Variants in SPOCK1 observed in about 807,000 individuals in gnomAD.
SPOCK1 encodes the protein testican-1.
In SPOCK1, 23 loss-of-function variants were observed where a neutral mutation model predicts 55.3. That is an observed-to-expected ratio of 0.42 (90% confidence interval 0.30 to 0.59). The LOEUF (loss-of-function observed/expected upper bound fraction) is 0.59, where lower values mean the gene tolerates loss of function less well. SPOCK1 is among the 20% of genes least tolerant of loss of function. The probability of loss-of-function intolerance (pLI) is 0.22; values close to 1 mark genes in which losing one functional copy is unlikely to be tolerated. For synonymous variants in SPOCK1, 226 were observed against 221.0 expected, an observed-to-expected ratio of 1.02 and a Z score of -0.20; for missense variants, 499 against 552.5, an observed-to-expected ratio of 0.90 and a Z score of 0.97.
At chr5:137,486,502 A>G (rs1019774362) in intron 2 of SPOCK1, among the ~76,000 whole-genome samples, 1 of 152,224 alleles carries the variant, frequency 6.6e-6, no homozygotes, top group Non-Finnish European at 1.5e-5. Flanking sequence ...GACAGGAATC[A>G]TGTTTGTTTC....
intron 3 of SPOCK1, among the ~76,000 whole-genome samples, chr5:137,202,087 C>T (rs556314826): frequency 3.5e-4 from 54 of 152,304 alleles, no homozygotes; most frequent in Non-Finnish European, 5.3e-4. Flanking sequence ...ACCATCTGAG[C>T]AGAGCATGGG....
chr5:137,252,838 T>C (rs1206918797), intron 3 of SPOCK1, among the ~76,000 whole-genome samples: 1 of 152,150 alleles, frequency 6.6e-6, no homozygotes, highest in Admixed American at 6.6e-5. Flanking sequence ...AGCATGCCCT[T>C]TGGGGCTGTG....
At chr5:137,431,005 G>A (rs187997678) in intron 2 of SPOCK1, among the ~76,000 whole-genome samples, 405 of 152,232 alleles carry the variant, frequency 2.7e-3, no homozygotes, top group African/African-American at 8.3e-3. Flanking sequence ...AAGCTAGTTT[G>A]GCCCTTATTT....
At chr5:137,135,281 T>C (rs573875913) in intron 4 of SPOCK1, among the ~76,000 whole-genome samples, 1 of 152,180 alleles carries the variant, frequency 6.6e-6, no homozygotes, top group Non-Finnish European at 1.5e-5. Context: ...AAATCAATGT[T>C]CAGCACTCTG....
At chr5:137,037,526 C>T (rs902219367) in intron 6 of SPOCK1, among the ~76,000 whole-genome samples, 1 of 152,046 alleles carries the variant, frequency 6.6e-6, no homozygotes, top group African/African-American at 2.4e-5. Context: ...GTTAAGGTAA[C>T]AGCAGCTGCT....
chr5:137,425,817 G>A (rs948156567), intron 2 of SPOCK1, among the ~76,000 whole-genome samples: 1 of 152,020 alleles, frequency 6.6e-6, no homozygotes, highest in African/African-American at 2.4e-5. Flanking sequence ...CTATATTATA[G>A]AATAGAAAGC....
chr5:137,181,081 C>T lies in SPOCK1; in HGVS notation c.233-40387G>A, dbSNP rs150276251. Among the ~76,000 whole-genome samples the T allele has an allele frequency of 6.5e-4, 99 of 152,230 alleles. 2 individuals are homozygous for T. The highest frequency in any genetic ancestry group is 5.7e-3 in the Admixed American group (87 of 15,282). ...CCAATCTCACAAATGACTCTAACAC[C>T]GGTCCTAAAACACCAAATGGGAAAC... On this transcript the variant is annotated intron_variant, in intron 3 of 10. Coordinates refer to ENST00000394945, the MANE Select transcript of SPOCK1 (RefSeq NM_004598.4).
chr5:136,978,095 T>TTATAGGAAGCCAGATATAA lies in SPOCK1; in HGVS notation c.*540_*558dup. ...GTCTTGACTGAATTAAGGCTGTTGT[T>TTATAGGAAGCCAGATATAA]TATAGGAAGCCAGATATAATGATGT... On this transcript the variant is annotated 3_prime_UTR_variant, in exon 11 of 11. Coordinates refer to ENST00000394945, the MANE Select transcript of SPOCK1 (RefSeq NM_004598.4). The TTATAGGAAGCCAGATATAA allele has an allele frequency of 2.5e-6, 1 of 397,262 alleles. No individual in the cohort carries two copies. Among genetic ancestry groups the TTATAGGAAGCCAGATATAA allele is most frequent in the Non-Finnish European group, 4.4e-6 (1 of 225,460 alleles). 24.6% of individuals were successfully genotyped at this position (397,262 alleles called of 1,614,324 possible). A position where few individuals can be genotyped will look rare whatever the true frequency, so the allele number is the denominator to read the frequency against.
At chr5:137,272,334 C>T (rs1756979656) in intron 2 of SPOCK1, among the ~76,000 whole-genome samples, 1 of 152,142 alleles carries the variant, frequency 6.6e-6, no homozygotes, top group Non-Finnish European at 1.5e-5. Context: ...ATAGAAGTCA[C>T]CAGAAAAGTG....
intron 6 of SPOCK1, among the ~76,000 whole-genome samples, chr5:137,033,098 C>T (rs983726311): frequency 1.3e-5 from 2 of 152,190 alleles, no homozygotes; most frequent in Non-Finnish European, 2.9e-5. Context: ...GTGAGCTCAG[C>T]TCGGCTATGA....
intron 3 of SPOCK1, among the ~76,000 whole-genome samples, chr5:137,178,981 AT>A (rs1408949545): frequency 1.3e-5 from 2 of 152,198 alleles, no homozygotes; most frequent in Non-Finnish European, 2.9e-5. Context: ...TTGGATAACA[AT>A]GGTGTGTTGG....
At chr5:137,183,009 T>C (rs1225245006) in intron 3 of SPOCK1, among the ~76,000 whole-genome samples, 2 of 152,144 alleles carry the variant, frequency 1.3e-5, no homozygotes, top group South Asian at 4.2e-4. Context: ...GTGTTCTCTA[T>C]CTGAATGGCA....
chr5:137,056,665 C>T (rs13156907), intron 6 of SPOCK1, among the ~76,000 whole-genome samples: 29,457 of 151,568 alleles, frequency 0.19, 3,212 homozygotes, highest in Admixed American at 0.24. Context: ...GCTATGATCA[C>T]ATCTGTTTTT....
chr5:137,491,177 A>G (rs1458399572), intron 2 of SPOCK1, among the ~76,000 whole-genome samples: 1 of 152,120 alleles, frequency 6.6e-6, no homozygotes, highest in Non-Finnish European at 1.5e-5. Flanking sequence ...CAAACACCTA[A>G]GCTTAGCTTT....
intron 2 of SPOCK1, among the ~76,000 whole-genome samples, chr5:137,390,233 A>G (rs768090527): frequency 1.1e-4 from 17 of 152,200 alleles, no homozygotes; most frequent in African/African-American, 4.1e-4. Flanking sequence ...AAACAAGGTC[A>G]TGGAGAAGTC....
intron 2 of SPOCK1, among the ~76,000 whole-genome samples, chr5:137,461,079 T>C (rs977631263): frequency 6.6e-6 from 1 of 152,232 alleles, no homozygotes; most frequent in African/African-American, 2.4e-5. Context: ...TCTGTGGCCC[T>C]ATTAGAATAT....
At chr5:137,163,739 C>G (rs759770793) in intron 3 of SPOCK1, among the ~76,000 whole-genome samples, 8 of 152,154 alleles carry the variant, frequency 5.3e-5, no homozygotes, top group Non-Finnish European at 7.3e-5. Context: ...CAGGCTAGAT[C>G]GCGCAAAGAT....
intron 3 of SPOCK1, among the ~76,000 whole-genome samples, chr5:137,180,347 AG>A (rs1050787074): frequency 9.8e-6 from 1 of 101,640 alleles, no homozygotes; most frequent in Non-Finnish European, 1.9e-5. Flanking sequence ...GGTTTAGATA[AG>A]GGGGTCATGA....
intron 3 of SPOCK1, among the ~76,000 whole-genome samples, chr5:137,178,347 A>G (rs1251743526): frequency 6.6e-6 from 1 of 152,230 alleles, no homozygotes; most frequent in African/African-American, 2.4e-5. Context: ...TCCAGTTCTC[A>G]GTTACATGAG....
Sources: allele counts gnomAD v4.1 joint callset (sites outside exome capture counted in the v4.1 genomes callset), GRCh38; gene constraint gnomAD v4.1.1; transcripts MANE v1.5; gene names NCBI Gene and HGNC (gene_info 2026-07-23, HGNC 2026-07-21).